ZRANB1: variants seen among roughly 807,000 people sequenced by gnomAD.
The protein encoded by ZRANB1 is ubiquitin thioesterase ZRANB1.
A neutral mutation model predicts 80.5 loss-of-function variants in ZRANB1; 16 were observed. That is an observed-to-expected ratio of 0.20 (90% confidence interval 0.13 to 0.30). ZRANB1 has a LOEUF of 0.30. Ranked by LOEUF, ZRANB1 falls within the 10% of genes least tolerant of loss-of-function variation. ZRANB1 has a pLI of 1.00. For synonymous variants in ZRANB1, 291 were observed against 293.1 expected (o/e 0.99, Z 0.07); for missense variants, 576 against 862.6 (o/e 0.67, Z 4.16).
chr10:124,930,704 C>A, the ZRANB1 span, among the ~76,000 whole-genome samples: 1 of 151,962 alleles, frequency 6.6e-6, no homozygotes, highest in Non-Finnish European at 1.5e-5. Context: ...ATATTCTTGA[C>A]GTATATATTT....
chr10:124,933,070 T>C, the ZRANB1 span, among the ~76,000 whole-genome samples: 1 of 152,254 alleles, frequency 6.6e-6, no homozygotes, highest in Non-Finnish European at 1.5e-5. Flanking sequence ...CTTGACAGTG[T>C]CTTTCACAGA....
intron 1 of ZRANB1, among the ~76,000 whole-genome samples, chr10:124,957,388 A>G (rs1283010732): frequency 6.6e-6 from 1 of 151,526 alleles, no homozygotes; most frequent in Non-Finnish European, 1.5e-5. Context: ...TTTTTTTGCA[A>G]TTTATTTTGA....
the ZRANB1 span, among the ~76,000 whole-genome samples, chr10:124,925,035 G>A: frequency 1.3e-5 from 2 of 151,944 alleles, no homozygotes; most frequent in East Asian, 1.9e-4. Flanking sequence ...AGCTTCCTGA[G>A]TAGCTGGGAC....
intron 1 of ZRANB1, among the ~76,000 whole-genome samples, 184 bp downstream of exon 1, chr10:124,943,491 T>C (rs770180040): frequency 1.3e-5 from 2 of 151,434 alleles, no homozygotes; most frequent in Admixed American, 1.3e-4. Context: ...TTGGGTAACA[T>C]AGTGAGACTG....
chr10:124,938,637 C>T (rs753546608), upstream of ZRANB1, among the ~76,000 whole-genome samples: 1 of 152,062 alleles, frequency 6.6e-6, no homozygotes. Context: ...TGAATTTTAC[C>T]TTGCAGTTAC....
chr10:124,942,397 CA>C lies in ZRANB1; in HGVS notation c.-96del, dbSNP rs1951543708. ...TAGGTTGAAGGACTTGCTTTTTGGG[CA>C]GCGTATTTTTGGAGGTGGAATGTAG... On this transcript the variant is annotated 5_prime_UTR_variant, in exon 1 of 9. The change abolishes the stop of an existing upstream ORF in the 5' untranslated region. Coordinates refer to ENST00000359653, the MANE Select transcript of ZRANB1 (RefSeq NM_017580.3). The C allele has an allele frequency of 1.3e-6, 2 of 1,529,894 alleles. No individual in the cohort carries two copies. Among genetic ancestry groups the C allele is most frequent in the South Asian group, 2.5e-5 (2 of 78,564 alleles). 94.8% of individuals were successfully genotyped at this position (1,529,894 alleles called of 1,614,324 possible). A position where few individuals can be genotyped will look rare whatever the true frequency, so the allele number is the denominator to read the frequency against.
At position 124,959,576 on chromosome 10, in the gene ZRANB1, C is replaced by T. The variant is rs559226232; in HGVS notation, c.815-7018C>T. ...AACCTTCTTGGGCTCAAGGGATCCT[C>T]TCACCTCAGTCTCCCAAGTAGCTGG... On this transcript the variant is annotated intron_variant, in intron 1 of 8. Coordinates refer to ENST00000359653, the MANE Select transcript of ZRANB1 (RefSeq NM_017580.3). Among the ~76,000 whole-genome samples the T allele has an allele frequency of 5.3e-5, 8 of 152,152 alleles. No individual in the cohort carries two copies. The East Asian group carries it at 1.5e-3, about 29-fold the overall frequency.
chr10:124,942,443 C>G lies in ZRANB1; in HGVS notation c.-51C>G, dbSNP rs752025189. 203 of 1,607,186 alleles carry G rather than the reference C, an allele frequency of 1.3e-4. 1 individual carries two copies. In the Middle Eastern group the frequency reaches 5.0e-3, roughly 39 times the overall value. ...ATGTAGTTATTTTAATAACCATGTC[C>G]TAATTATTTATAGCTTCCTGCCTGA... On this transcript the variant is annotated 5_prime_UTR_variant, in exon 1 of 9. Coordinates refer to ENST00000359653, the MANE Select transcript of ZRANB1 (RefSeq NM_017580.3).
In ZRANB1 at chr10:124,979,789, C is replaced by A. The variant is rs149319460; in HGVS notation, c.1428-1920C>A. On this transcript the variant is annotated intron_variant, in intron 5 of 8. Transcript: ENST00000359653. ...AATTGAAAAAAACCCTTTCTACATT[C>A]TATTGCCTTGGCAATTTTGTCGAAA... Among the ~76,000 whole-genome samples the A allele has an allele frequency of 1.1e-3, 160 of 152,282 alleles. 1 individual carries two copies. Among genetic ancestry groups the A allele is most frequent in the African/African-American group, 3.8e-3 (156 of 41,550 alleles).
intron 2 of ZRANB1, among the ~76,000 whole-genome samples, chr10:124,967,347 G>C (rs555277184): frequency 5.9e-5 from 9 of 152,184 alleles, no homozygotes; most frequent in Non-Finnish European, 1.0e-4. Flanking sequence ...GTTGAGGAAA[G>C]CATTTTTACA....
chr10:124,940,310 C>A (rs1397532263), upstream of ZRANB1, among the ~76,000 whole-genome samples: 2 of 152,186 alleles, frequency 1.3e-5, no homozygotes, highest in African/African-American at 2.4e-5. Context: ...AAAATAAAGC[C>A]TTAAAAATCT....
the ZRANB1 span, among the ~76,000 whole-genome samples, chr10:124,929,944 CAAA>C: frequency 4.6e-5 from 4 of 87,788 alleles, no homozygotes; most frequent in Admixed American, 1.2e-4. Context: ...GACTCTGTCT[CAAA>C]AAAAAAAAAA....
chr10:124,974,456 T>C lies in ZRANB1; in HGVS notation c.1427+58T>C, dbSNP rs59036830. 5.1e-3 allele frequency: 7,872 copies of C among 1,558,312 alleles called. 300 individuals carry two copies. In the African/African-American group the frequency reaches 0.091, roughly 18 times the overall value. On this transcript the variant is annotated intron_variant, in intron 5 of 8. Transcript: ENST00000359653. ...GAGTGCATTTGCTGGATTATTTCCT[T>C]GTAGTGGTGGGATACTTTTTATGTC...
chr10:124,943,817 C>A (rs10901841), intron 1 of ZRANB1, among the ~76,000 whole-genome samples: 90,223 of 152,018 alleles, frequency 0.59, 30,461 homozygotes, highest in Non-Finnish European at 0.75. Context: ...CTGAGGAACA[C>A]CAGCTGCTGT....
chr10:124,930,652 T>A, the ZRANB1 span, among the ~76,000 whole-genome samples: 1 of 152,234 alleles, frequency 6.6e-6, no homozygotes, highest in Non-Finnish European at 1.5e-5. Context: ...ATTTCTATGC[T>A]TTAGTGAAAG....
intron 1 of ZRANB1, among the ~76,000 whole-genome samples, chr10:124,964,453 C>G (rs75919476): frequency 6.6e-6 from 1 of 151,950 alleles, no homozygotes; most frequent in African/African-American, 2.4e-5. Flanking sequence ...AACAATAAAG[C>G]GATTTGAAGA....
the ZRANB1 span, among the ~76,000 whole-genome samples, chr10:124,922,762 A>T: frequency 2.6e-5 from 4 of 151,824 alleles, no homozygotes; most frequent in Non-Finnish European, 5.9e-5. Flanking sequence ...AAGTGCTGGG[A>T]TTACAGGCGT....
the ZRANB1 span, among the ~76,000 whole-genome samples, chr10:124,917,590 C>T: frequency 6.6e-6 from 1 of 152,212 alleles, no homozygotes; most frequent in African/African-American, 2.4e-5. Context: ...AACTTCTTTT[C>T]CTGCCGGAGA....
In ZRANB1 at chr10:124,942,738, T is replaced by A. The variant is rs145369942; in HGVS notation, c.245T>A (p.Met82Lys). The change falls in exon 1 of 9, where the codon ATG becomes AAG. Residue 82 changes from methionine to lysine, a missense_variant. Around this residue, in one of 3 missense-constraint regions of ZRANB1, gnomAD observed 411 missense variants for 583.1 expected, o/e 0.70. Transcript: ENST00000359653. ...ARPRVKSSYS[M>K]ENANKWSCHM... is the part of the protein sequence containing the mutation. ...CCAAGGGTGAAATCTTCGTATAGCA[T>A]GGAAAATGCAAATAAGTGGTCATGC... 3.3e-4 allele frequency: 525 copies of A among 1,614,200 alleles called. 2 individuals carry two copies. Among genetic ancestry groups the A allele is most frequent in the Admixed American group, 1.7e-3 (101 of 60,028 alleles).
Sources: gnomAD v4.1 joint callset for allele counts (sites outside exome capture counted in the v4.1 genomes callset) on GRCh38, gnomAD v4.1.1 for gene constraint, gnomAD v4.1.1 regional missense constraint, MANE v1.5 for transcripts, NCBI Gene and HGNC (gene_info 2026-07-23, HGNC 2026-07-21) for gene names.